Variants in ZDHHC23 observed in about 807,000 individuals in gnomAD.
ZDHHC23 encodes zDHHC palmitoyltransferase 23, also known as palmitoyltransferase ZDHHC23.
In ZDHHC23, 41 loss-of-function variants were observed where a neutral mutation model predicts 40.2. The ratio of observed to expected loss-of-function variants is 1.02; its 90% CI spans 0.79 to 1.32. ZDHHC23 has a LOEUF of 1.32. ZDHHC23 is among the 40% of genes most tolerant of loss of function. The pLI, the probability that ZDHHC23 is intolerant of heterozygous loss-of-function variation, is 0.00. For synonymous variants in ZDHHC23, 204 were observed against 210.2 expected (o/e 0.97, Z 0.26); for missense variants, 471 against 541.5 (o/e 0.87, Z 1.29).
intron 2 of ZDHHC23, 91 bp from the exon 3 acceptor site, chr3:113,953,609 G>T (rs536462442): frequency 1.6e-4 from 189 of 1,155,374 alleles, no homozygotes; most frequent in Middle Eastern, 2.9e-4. Context: ...AGCTTTTATC[G>T]TTTATCCCAC....
chr3:113,960,588 A>G lies in ZDHHC23; in HGVS notation c.*1958A>G. On this transcript the variant is annotated 3_prime_UTR_variant, in exon 5 of 5. Transcript: ENST00000638807. ...GATAGAAACATTAGTCAGTAATTTTAGCTTCTTGCCAAATTGTTCACAACA... is the reference window on the plus strand; with the variant it reads ...GATAGAAACATTAGTCAGTAATTTTGGCTTCTTGCCAAATTGTTCACAACA... 6.5e-7 allele frequency: 1 copy of G among 1,535,936 alleles called. No individual in the cohort carries two copies. The highest frequency in any genetic ancestry group is 8.7e-7 in the Non-Finnish European group (1 of 1,148,588).
rs751916421 is a variant in ZDHHC23 at position 113,948,976 on chromosome 3, C to T, written c.161+13C>T. The T allele has an allele frequency of 6.2e-7, 1 of 1,613,830 alleles. No individual in the cohort carries two copies. The stretch of plus-strand genomic sequence containing the variant: ...AAGGGTGTGATCGGTAAGAACAGAG[C>T]ATTTCTTGACGCTGGCCCCATCACC... On this transcript the variant is annotated intron_variant, in intron 2 of 4. Coordinates refer to ENST00000638807, the MANE Select transcript of ZDHHC23 (RefSeq NM_001320466.2).
chr3:113,978,111 C>T, the ZDHHC23 span: 1 of 1,534,024 alleles, frequency 6.5e-7, no homozygotes, highest in Non-Finnish European at 9.0e-7. Flanking sequence ...TCTGCAGACA[C>T]ATTGTAGGAG....
chr3:113,949,170 T>C (rs1577244765), intron 2 of ZDHHC23, among the ~76,000 whole-genome samples: 2 of 152,254 alleles, frequency 1.3e-5, no homozygotes, highest in East Asian at 3.8e-4. Context: ...TGCTCTGTTT[T>C]ATAGGATATT....
the ZDHHC23 span, among the ~76,000 whole-genome samples, chr3:113,974,857 G>GCTCTCTCAATCTCTCTCTTT: frequency 6.6e-6 from 1 of 151,856 alleles, no homozygotes; most frequent in African/African-American, 2.4e-5. Context: ...CCTTTCTCTT[G>GCTCTCTCAATCTCTCTCTTT]CTCTCTCAAT....
rs797013221 is a variant in ZDHHC23 at position 113,961,104 on chromosome 3, G to C, written c.*2474G>C. On this transcript the variant is annotated 3_prime_UTR_variant, in exon 5 of 5. Coordinates refer to ENST00000638807, the MANE Select transcript of ZDHHC23 (RefSeq NM_001320466.2). ...TTGAAAGGACAAGGCCTCTGTGAAT[G>C]AATCAGTCCCAGGGAAGCATTTGGT... 47 of 199,056 alleles carry C rather than the reference G, an allele frequency of 2.4e-4. No individual in the cohort carries two copies. The highest frequency in any genetic ancestry group is 9.2e-4 in the African/African-American group (40 of 43,430). The allele number at this position is 199,056 out of a possible 1,614,324, so 12.3% of individuals were successfully genotyped here. A position where few individuals can be genotyped will look rare whatever the true frequency, so the allele number is the denominator to read the frequency against.
the ZDHHC23 span, among the ~76,000 whole-genome samples, chr3:113,977,279 G>T: frequency 2.0e-5 from 3 of 152,128 alleles, no homozygotes; most frequent in Non-Finnish European, 1.5e-5. Flanking sequence ...ACAGAGTAAT[G>T]TTGAGAAAAG....
intron 1 of ZDHHC23, 168 bp from the exon 2 acceptor site, chr3:113,948,518 T>G: frequency 8.7e-6 from 3 of 345,634 alleles, no homozygotes; most frequent in Non-Finnish European, 1.6e-5. Flanking sequence ...GCTGTCGCCA[T>G]AGGAACGGCT....
chr3:113,958,129 C>T (rs1344865170), intron 4 of ZDHHC23, among the ~76,000 whole-genome samples: 1 of 152,110 alleles, frequency 6.6e-6, no homozygotes, highest in African/African-American at 2.4e-5. Context: ...AAAACAGTCC[C>T]TGCTATTCTA....
At chr3:113,965,338 A>G, downstream of ZDHHC23, 1 of 1,598,904 alleles carries the variant, frequency 6.3e-7, no homozygotes, top group Non-Finnish European at 8.5e-7. Flanking sequence ...TCCATGTCCG[A>G]AGGGTGATCC....
chr3:113,966,174 A>G (rs1278492771), downstream of ZDHHC23, among the ~76,000 whole-genome samples: 1 of 152,210 alleles, frequency 6.6e-6, no homozygotes, highest in Non-Finnish European at 1.5e-5. Flanking sequence ...CCTGCTGGTA[A>G]CCTGACCTCC....
In ZDHHC23 at chr3:113,954,268, G is replaced by T; in HGVS notation, c.730G>T (p.Gly244Cys). 1.2e-6 allele frequency: 2 copies of T among 1,614,124 alleles called. No homozygotes were observed. The highest frequency in any genetic ancestry group is 1.7e-6 in the Non-Finnish European group (2 of 1,179,994). Residue 244 changes from glycine to cysteine, a missense_variant, in exon 3 of 5, where the codon GGC (glycine) becomes TGC (cysteine). Coordinates refer to ENST00000638807, the MANE Select transcript of ZDHHC23 (RefSeq NM_001320466.2). ...NNRTTKDDPK[G>C]SSKMPAGSPT... ...TCGCACAACAAAGGATGACCCCAAG[G>T]GCTCTTCCAAGATGCCAGCTGGAAG...
At position 113,948,868 on chromosome 3, in the gene ZDHHC23, C is replaced by A. The variant is rs1483454116; in HGVS notation, c.66C>A (p.Pro22=). The A allele has an allele frequency of 3.1e-6, 5 of 1,614,144 alleles. No individual in the cohort carries two copies. The highest frequency in any genetic ancestry group is 3.4e-6 in the Non-Finnish European group (4 of 1,180,032). Residue 22 remains proline, a synonymous_variant, in exon 2 of 5, where the codon CCC becomes CCA. Coordinates refer to ENST00000638807, the MANE Select transcript of ZDHHC23 (RefSeq NM_001320466.2). ...KKKTEEPELE[P]LCCCEYIDRN... ...AAACCGAAGAACCTGAATTGGAGCC[C>A]CTGTGCTGCTGCGAGTACATAGATC...
At chr3:113,957,922 A>G (rs916912028) in intron 4 of ZDHHC23, 47 of 464,332 alleles carry the variant, frequency 1.0e-4, no homozygotes, top group African/African-American at 8.5e-4. Flanking sequence ...ACTGGAAAGA[A>G]TGGAGATTAG....
chr3:113,957,789 T>A (rs756883453), intron 4 of ZDHHC23: 1 of 518,830 alleles, frequency 1.9e-6, no homozygotes, highest in Admixed American at 1.9e-5. Context: ...CTTCCCTACC[T>A]TGTGTGATTG....
At chr3:113,955,031 G>A (rs1328182569) in intron 3 of ZDHHC23, among the ~76,000 whole-genome samples, 1 of 152,220 alleles carries the variant, frequency 6.6e-6, no homozygotes. Context: ...AGATAATGTT[G>A]CAGCTTCACT....
In ZDHHC23 at chr3:113,958,729, G is replaced by A. The variant is rs540975068; in HGVS notation, c.*99G>A. 1.3e-6 allele frequency: 2 copies of A among 1,586,406 alleles called. No homozygotes were observed. Among genetic ancestry groups the A allele is most frequent in the East Asian group, 2.3e-5 (1 of 44,136 alleles). On this transcript the variant is annotated 3_prime_UTR_variant, in exon 5 of 5. Transcript: ENST00000638807. ...CCATTTCTATCCCCAGTTTCTTAAA[G>A]GCATTATAGGGCCATGCTCAGGTTT...
intron 2 of ZDHHC23, among the ~76,000 whole-genome samples, chr3:113,949,834 C>T (rs556074043): frequency 6.6e-6 from 1 of 152,304 alleles, no homozygotes; most frequent in East Asian, 1.9e-4. Context: ...CAGTCTAGTA[C>T]CAGCCTTGAC....
chr3:113,950,011 C>A (rs1938509470), intron 2 of ZDHHC23, among the ~76,000 whole-genome samples: 1 of 152,162 alleles, frequency 6.6e-6, no homozygotes, highest in Non-Finnish European at 1.5e-5. Context: ...GTTTCCATAA[C>A]CACCATCACT....
Sources: allele counts gnomAD v4.1 joint callset (sites outside exome capture counted in the v4.1 genomes callset), GRCh38; gene constraint gnomAD v4.1.1; transcripts MANE v1.5; gene names NCBI Gene and HGNC (gene_info 2026-07-23, HGNC 2026-07-21).